OPHN1: variants seen among roughly 807,000 people sequenced by gnomAD.
The protein encoded by OPHN1 is oligophrenin-1.
Under a neutral mutation model 60.7 loss-of-function variants are expected in OPHN1, and 11 were observed. The ratio of observed to expected loss-of-function variants is 0.18; its 90% confidence interval spans 0.11 to 0.30. The LOEUF is 0.30. Ranked by LOEUF, OPHN1 falls within the 10% of genes least tolerant of loss-of-function variation. The probability of loss-of-function intolerance (pLI) is 1.00; values close to 1 mark genes in which losing one functional copy is unlikely to be tolerated. For missense variants in OPHN1, 449 were observed against 611.0 expected, an observed-to-expected ratio of 0.73 and a Z score of 2.80; for synonymous variants, 226 against 222.6, an observed-to-expected ratio of 1.02 and a Z score of -0.14.
At chrX:68,361,409 G>A (rs2078472032) in intron 2 of OPHN1, among the ~76,000 whole-genome samples, 1 of 108,536 alleles carries the variant, frequency 9.2e-6, no homozygotes, top group African/African-American at 3.4e-5. Context: ...GAACTTGGGA[G>A]GCAGAGGTTG....
chrX:68,212,135 T>C lies in OPHN1; in HGVS notation c.675A>G (p.Lys225=). Residue 225 remains lysine, a synonymous_variant, in exon 8 of 25, where the codon AAA becomes AAG. Coordinates refer to ENST00000355520, the MANE Select transcript of OPHN1 (RefSeq NM_002547.3). ...VELTQDFLPY[K]QQLQLSLQNT... is the part of the protein sequence containing the mutation. ...TCTGTAAACTGAGTTGGAGCTGTTGTTTGTATGGGAGGAAATCCTGTGTGA... is the reference window on the plus strand; with the variant it reads ...TCTGTAAACTGAGTTGGAGCTGTTGCTTGTATGGGAGGAAATCCTGTGTGA... The C allele has an allele frequency of 8.3e-7, 1 of 1,204,247 alleles. No homozygotes were observed. Among genetic ancestry groups the C allele is most frequent in the East Asian group, 3.0e-5 (1 of 33,774 alleles).
intron 15 of OPHN1, among the ~76,000 whole-genome samples, chrX:68,128,712 A>G (rs1396971564): frequency 8.9e-6 from 1 of 112,291 alleles, no homozygotes; most frequent in Non-Finnish European, 1.9e-5. Flanking sequence ...ATTTTCTGGA[A>G]TGTGATAAAA....
At chrX:68,408,026 A>C in intron 2 of OPHN1, among the ~76,000 whole-genome samples, 1 of 112,037 alleles carries the variant, frequency 8.9e-6, no homozygotes, top group Non-Finnish European at 1.9e-5. Flanking sequence ...GCTGGACTCG[A>C]ACTCCTGGAC....
chrX:68,325,389 T>G lies in OPHN1; in HGVS notation c.155-26293A>C, dbSNP rs755195092. Among the ~76,000 whole-genome samples, 3 of 106,307 alleles carry G rather than the reference T, an allele frequency of 2.8e-5. No homozygotes were observed. The East Asian group carries it at 9.2e-4, about 33-fold the overall frequency. The allele number at this position is 106,307 out of a possible 115,157, so 92.3% of individuals were successfully genotyped here. ...CAGAAATGGAAATCTCTGATATAGA[T>G]GCACATATATATAAAAAATTATGAT... On this transcript the variant is annotated intron_variant, in intron 2 of 24. Coordinates refer to ENST00000355520, the MANE Select transcript of OPHN1 (RefSeq NM_002547.3).
chrX:68,083,880 A>T (rs1188625639), intron 19 of OPHN1, among the ~76,000 whole-genome samples: 1 of 111,694 alleles, frequency 9.0e-6, no homozygotes, highest in Non-Finnish European at 1.9e-5. Context: ...CAGTCAGAAC[A>T]TACAACATTT....
chrX:68,146,269 C>G, intron 15 of OPHN1, among the ~76,000 whole-genome samples: 1 of 111,847 alleles, frequency 8.9e-6, no homozygotes, highest in Non-Finnish European at 1.9e-5. Flanking sequence ...AGAGTATATG[C>G]TCTACAGATC....
chrX:68,427,625 T>C (rs2078866463), intron 2 of OPHN1, among the ~76,000 whole-genome samples: 1 of 108,190 alleles, frequency 9.2e-6, no homozygotes, highest in South Asian at 4.1e-4. Context: ...TGTCCCATTA[T>C]ACCATCATTT....
At chrX:68,211,738 T>G (rs1304326048) in intron 8 of OPHN1, among the ~76,000 whole-genome samples, 1 of 112,257 alleles carries the variant, frequency 8.9e-6, no homozygotes, top group African/African-American at 3.2e-5. Flanking sequence ...TTTGTGGTAA[T>G]AAAGTCTACA....
chrX:68,185,681 A>G (rs1017297800), intron 15 of OPHN1, among the ~76,000 whole-genome samples: 3 of 111,037 alleles, frequency 2.7e-5, no homozygotes, highest in African/African-American at 9.8e-5. Context: ...AGAAAAAAAA[A>G]GAGAAAGGGA....
intron 15 of OPHN1, among the ~76,000 whole-genome samples, chrX:68,148,617 T>C (rs982364160): frequency 3.7e-4 from 41 of 111,177 alleles, no homozygotes; most frequent in African/African-American, 1.2e-3. Context: ...GGCAAGTTTA[T>C]TATGATCTGA....
intron 17 of OPHN1, 140 bp from the exon 18 acceptor site, chrX:68,112,099 T>A (rs2077107851): frequency 5.1e-6 from 2 of 393,347 alleles, no homozygotes; most frequent in Non-Finnish European, 4.3e-6. Flanking sequence ...AGAGAGAGAT[T>A]CGGAGAAAGA....
chrX:68,382,012 C>T (rs34365200), intron 2 of OPHN1, among the ~76,000 whole-genome samples: 34,054 of 110,795 alleles, frequency 0.31, 7,568 homozygotes, highest in African/African-American at 0.8. Context: ...TGCTTGGTCC[C>T]ATCCTATAAA....
chrX:68,301,352 A>G (rs1391193915), intron 2 of OPHN1, among the ~76,000 whole-genome samples: 1 of 105,503 alleles, frequency 9.5e-6, no homozygotes, highest in Non-Finnish European at 1.9e-5. Context: ...GGGTTGAGAC[A>G]GGAGAATCAC....
In OPHN1 at chrX:68,283,117, G is replaced by T; in HGVS notation, c.251C>A (p.Ala84Asp). The T allele has an allele frequency of 8.4e-7, 1 of 1,192,611 alleles. No homozygotes were observed. ...TTCAGCAAATTCCTTGAAGGATTCA[G>T]CTGGAAGGAGAGAATCAAATGTAAA... is the stretch of plus-strand genomic sequence containing the variant. ...DTLTDDEINIAESFKEFAELL... is the reference protein window; with the variant it reads ...DTLTDDEINIDESFKEFAELL... Residue 84 changes from alanine to aspartate, a missense_variant and splice_region_variant, in exon 4 of 25, where the codon GCT (alanine) becomes GAT (aspartate). Around this residue, in one of 4 missense-constraint regions of OPHN1, gnomAD observed 99 missense variants for 155.2 expected, o/e 0.64. Coordinates refer to ENST00000355520, the MANE Select transcript of OPHN1 (RefSeq NM_002547.3).
At chrX:68,270,829 T>C (rs1029863612) in intron 5 of OPHN1, among the ~76,000 whole-genome samples, 4 of 111,270 alleles carry the variant, frequency 3.6e-5, no homozygotes, top group African/African-American at 1.3e-4. Context: ...ATGAGAAAAC[T>C]AAGGTTCGGA....
At chrX:68,322,562 C>T (rs974100661) in intron 2 of OPHN1, among the ~76,000 whole-genome samples, 1 of 111,260 alleles carries the variant, frequency 9.0e-6, no homozygotes, top group African/African-American at 3.3e-5. Flanking sequence ...TGAGGCAAGA[C>T]GATCACTTGA....
At chrX:68,336,832 T>TTTC (rs2078325774) in intron 2 of OPHN1, among the ~76,000 whole-genome samples, 1 of 110,347 alleles carries the variant, frequency 9.1e-6, no homozygotes, top group Admixed American at 9.8e-5. Flanking sequence ...GGTGGGAGGA[T>TTTC]CACTTGAGGT....
At chrX:68,219,106 CA>C (rs2077635838) in intron 6 of OPHN1, among the ~76,000 whole-genome samples, 1 of 54,039 alleles carries the variant, frequency 1.9e-5, no homozygotes, top group East Asian at 6.0e-4. Context: ...AAATGGAAAA[CA>C]AAAAAAGGCA....
chrX:68,420,604 A>T (rs1479510227), intron 2 of OPHN1, among the ~76,000 whole-genome samples: 4 of 110,863 alleles, frequency 3.6e-5, no homozygotes, highest in Non-Finnish European at 5.7e-5. Context: ...TGGGGGAAAG[A>T]TCTATTATAG....
Sources: gnomAD v4.1 joint callset for allele counts (sites outside exome capture counted in the v4.1 genomes callset) on GRCh38, gnomAD v4.1.1 for gene constraint, gnomAD v4.1.1 regional missense constraint, MANE v1.5 for transcripts, NCBI Gene and HGNC (gene_info 2026-07-23, HGNC 2026-07-21) for gene names.